Variants in CATSPER2 observed in about 807,000 individuals in gnomAD.
CATSPER2 encodes the protein cation channel sperm-associated protein 2.
In CATSPER2, 56 loss-of-function variants were observed where a neutral mutation model predicts 68.8. That is an observed-to-expected ratio of 0.81 (90% CI 0.66 to 1.02). The LOEUF (loss-of-function observed/expected upper bound fraction) is 1.02, where lower values mean the gene tolerates loss of function less well. Ranked by LOEUF, CATSPER2 falls within the 50% of genes least tolerant of loss-of-function variation. The pLI is 0.00. For synonymous variants in CATSPER2, 198 were observed against 229.9 expected (o/e 0.86, Z 1.26); for missense variants, 582 against 642.0 (o/e 0.91, Z 1.01).
At chr15:43,633,507 C>T (rs2085911692) in intron 10 of CATSPER2, 1 of 161,330 alleles carries the variant, frequency 6.2e-6, no homozygotes, top group Non-Finnish European at 1.4e-5. Flanking sequence ...AAGCATGCTT[C>T]CAGCTTCGGA....
chr15:43,638,274 T>TTTTC (rs1300623336), intron 7 of CATSPER2, among the ~76,000 whole-genome samples: 1,843 of 125,460 alleles, frequency 0.015, 105 homozygotes, highest in African/African-American at 0.03. Flanking sequence ...TTTCTTTTCT[T>TTTTC]TTTCTTTCTT....
intron 7 of CATSPER2, 62 bp from the exon 8 acceptor site, chr15:43,636,281 A>C: frequency 6.3e-7 from 1 of 1,593,916 alleles, no homozygotes. Flanking sequence ...AAATGGTACC[A>C]TTCTTACTTT....
intron 12 of CATSPER2, among the ~76,000 whole-genome samples, chr15:43,631,711 T>C (rs2085875365): frequency 6.6e-6 from 1 of 151,930 alleles, no homozygotes. Flanking sequence ...AGTTTAGAAT[T>C]CATAAACCTC....
chr15:43,636,914 C>G (rs2085975229), intron 7 of CATSPER2, among the ~76,000 whole-genome samples: 1 of 151,154 alleles, frequency 6.6e-6, no homozygotes, highest in Non-Finnish European at 1.5e-5. Flanking sequence ...CCTCTGCACT[C>G]CAGGCTCAAG....
intron 7 of CATSPER2, 66 bp downstream of exon 7, chr15:43,638,838 G>C: frequency 6.3e-7 from 1 of 1,581,572 alleles, no homozygotes; most frequent in Non-Finnish European, 8.7e-7. Context: ...ACTATACTTT[G>C]GACAAGCTTC....
rs2086218513 is a variant in CATSPER2 at position 43,648,647 on chromosome 15, T to C, written c.-21A>G. Reference sequence around the variant, plus strand: ...GCCTCACCTCAGCCCAGGTTCTCTTTGCCCACTCAGTCCTTATTTCACGCT... The same window carrying C: ...GCCTCACCTCAGCCCAGGTTCTCTTCGCCCACTCAGTCCTTATTTCACGCT... On this transcript the variant is annotated 5_prime_UTR_variant, in exon 1 of 13. Transcript: ENST00000396879. 2.1e-6 allele frequency: 3 copies of C among 1,399,324 alleles called. No individual in the cohort carries two copies. The highest frequency in any genetic ancestry group is 2.8e-6 in the Non-Finnish European group (3 of 1,080,858). 86.7% of individuals were successfully genotyped at this position (1,399,324 alleles called of 1,614,324 possible). A position where few individuals can be genotyped will look rare whatever the true frequency, so the allele number is the denominator to read the frequency against.
In CATSPER2 at chr15:43,632,772, G is replaced by A. The variant is rs140242525; in HGVS notation, c.1341C>T (p.Ser447=). Residue 447 remains serine (S), a synonymous_variant, in exon 11 of 13, where the codon TCC becomes TCT. Transcript: ENST00000396879. ...AGGAAGAATAGGAAGAGGATGTGGA[G>A]GAGACACAGGAGGAAGACTGGTACT... ...KREYQSSSCV[S]STSSSYSSSS... 53 of 1,609,016 alleles carry A rather than the reference G, an allele frequency of 3.3e-5. 2 individuals carry two copies. Among genetic ancestry groups the A allele is most frequent in the Middle Eastern group, 3.3e-4 (2 of 6,054 alleles).
Position 43,632,272 on chromosome 15 carries a change from G to A in CATSPER2, c.1488C>T (p.Leu496=). ...QDDRVWPRDS[L]FRYFELLEKL... is the part of the protein sequence containing the mutation. ...TTTCTAGCAACTCAAAATATCGGAAGAGTGAGTCTCTGGGCCAAACACGGT... is the reference window on the plus strand; with the variant it reads ...TTTCTAGCAACTCAAAATATCGGAAAAGTGAGTCTCTGGGCCAAACACGGT... The change falls in exon 12 of 13, where the codon CTC becomes CTT. Residue 496 remains leucine (L), a synonymous_variant. Coordinates refer to ENST00000396879, the MANE Select transcript of CATSPER2 (RefSeq NM_172095.4). The A allele has an allele frequency of 6.2e-7, 1 of 1,613,634 alleles. No homozygotes were observed. Among genetic ancestry groups the A allele is most frequent in the Non-Finnish European group, 8.5e-7 (1 of 1,179,754 alleles).
In CATSPER2 at chr15:43,637,808, A is replaced by G. The variant is rs1366338349; in HGVS notation, c.842+1096T>C. ...GTGTAATATGTAGAGATTGGGATAA[A>G]ACCAGTGATCATATTTGAGAATCAT... On this transcript the variant is annotated intron_variant, in intron 7 of 12. Coordinates refer to ENST00000396879, the MANE Select transcript of CATSPER2 (RefSeq NM_172095.4). 7 of 151,934 alleles carry G rather than the reference A, an allele frequency of 4.6e-5. No individual in the cohort carries two copies. In the East Asian group the frequency reaches 1.3e-3, roughly 29 times the overall value. 9.4% of individuals were successfully genotyped at this position (151,934 alleles called of 1,614,324 possible).
At chr15:43,630,870 T>C (rs2085858817) in intron 12 of CATSPER2, 138 bp from the exon 13 acceptor site, 7 of 1,556,902 alleles carry the variant, frequency 4.5e-6, no homozygotes, top group African/African-American at 1.4e-5. Context: ...CATATGATTC[T>C]GTGTACTCTT....
intron 4 of CATSPER2, among the ~76,000 whole-genome samples, chr15:43,644,315 C>G (rs973576238): frequency 1.3e-5 from 2 of 152,002 alleles, no homozygotes; most frequent in Non-Finnish European, 2.9e-5. Flanking sequence ...TCCCTCCTCC[C>G]TTTCTACCAC....
At chr15:43,643,763 T>C (rs1335752340) in intron 4 of CATSPER2, among the ~76,000 whole-genome samples, 4 of 152,020 alleles carry the variant, frequency 2.6e-5, no homozygotes, top group African/African-American at 9.7e-5. Context: ...TCAAACCCTC[T>C]CTAGTACTTT....
chr15:43,641,122 G>GTT lies in CATSPER2; in HGVS notation c.389-628_389-627dup, dbSNP rs199572819. Among the ~76,000 whole-genome samples, 343 of 144,100 alleles carry GTT rather than the reference G, an allele frequency of 2.4e-3. 1 individual carries two copies. The highest frequency in any genetic ancestry group is 7.7e-3 in the African/African-American group (304 of 39,444). 94.5% of individuals were successfully genotyped at this position (144,100 alleles called of 152,430 possible). A position where few individuals can be genotyped will look rare whatever the true frequency, so the allele number is the denominator to read the frequency against. Reference sequence around the variant, plus strand: ...TGTTTTGTTTTGTTTTTTGTTTTTTGTTTTTTTTTTTGAGATGGAGTTTCG... The same window carrying GTT: ...TGTTTTGTTTTGTTTTTTGTTTTTTGTTTTTTTTTTTTTGAGATGGAGTTTCG... On this transcript the variant is annotated intron_variant, in intron 4 of 12. Coordinates refer to ENST00000396879, the MANE Select transcript of CATSPER2 (RefSeq NM_172095.4).
rs564385945 is a variant in CATSPER2, at chr15:43,638,135, A to G, written c.842+769T>C. On this transcript the variant is annotated intron_variant, in intron 7 of 12. Coordinates refer to ENST00000396879, the MANE Select transcript of CATSPER2 (RefSeq NM_172095.4). ...ACACCTGGCTAATTTTTGTATTTTTAGTAGAGACAGGGTTTCACCATGTTG... is the reference window on the plus strand; with the variant it reads ...ACACCTGGCTAATTTTTGTATTTTTGGTAGAGACAGGGTTTCACCATGTTG... Among the ~76,000 whole-genome samples, 5 of 145,682 alleles carry G rather than the reference A, an allele frequency of 3.4e-5. No individual in the cohort carries two copies. In the East Asian group the frequency reaches 8.2e-4, roughly 24 times the overall value.
Position 43,648,837 on chromosome 15 carries a change from G to C in CATSPER2, c.-211C>G, listed in dbSNP as rs1419790666. The C allele has an allele frequency of 3.3e-6, 5 of 1,528,418 alleles. No homozygotes were observed. In the South Asian group the frequency reaches 6.0e-5, roughly 18 times the overall value. The allele number at this position is 1,528,418 out of a possible 1,614,324, so 94.7% of individuals were successfully genotyped here. ...CCCTACCCACAGCCCAGGACCATGC[G>C]GAGCAACGCTCGCCCAGCCACTCGC... On this transcript the variant is annotated 5_prime_UTR_variant, in exon 1 of 13. Coordinates refer to ENST00000396879, the MANE Select transcript of CATSPER2 (RefSeq NM_172095.4).
intron 10 of CATSPER2, 96 bp from the exon 11 acceptor site, chr15:43,633,030 G>T (rs563528335): frequency 1.0e-6 from 1 of 999,528 alleles, no homozygotes; most frequent in South Asian, 1.6e-5. Flanking sequence ...CTAAAGCTGG[G>T]GCATAAGACA....
At chr15:43,647,610 C>G in intron 2 of CATSPER2, 143 bp from the exon 3 acceptor site, 1 of 836,678 alleles carries the variant, frequency 1.2e-6, no homozygotes, top group Non-Finnish European at 2.0e-6. Flanking sequence ...ACTAAGAATT[C>G]TGTTTGGAGT....
rs1323825238 is a variant in CATSPER2, at chr15:43,641,775, C to CA, written c.389-1280dup. On this transcript the variant is annotated intron_variant, in intron 4 of 12. Coordinates refer to ENST00000396879, the MANE Select transcript of CATSPER2 (RefSeq NM_172095.4). The stretch of plus-strand genomic sequence containing the variant: ...GGCTGGAGGAGTGCAGTTGCATAAT[C>CA]ACGGTTCACGGAAGCCTGGCTCTTC... Among the ~76,000 whole-genome samples the CA allele has an allele frequency of 2.0e-5, 3 of 152,004 alleles. No homozygotes were observed. The East Asian group carries it at 5.8e-4, about 29-fold the overall frequency.
At chr15:43,647,180 T>C (rs2086183576) in intron 3 of CATSPER2, 62 bp from the exon 4 acceptor site, 3 of 1,568,146 alleles carry the variant, frequency 1.9e-6, no homozygotes, top group East Asian at 4.5e-5. Flanking sequence ...GCTGAAATAA[T>C]AAGAGCAATA....
Sources: gnomAD v4.1 joint callset for allele counts (sites outside exome capture counted in the v4.1 genomes callset) on GRCh38, gnomAD v4.1.1 for gene constraint, MANE v1.5 for transcripts, NCBI Gene and HGNC (gene_info 2026-07-23, HGNC 2026-07-21) for gene names.